The following PPP2R2D variants were observed in gnomAD, a reference collection of about 807,000 sequenced individuals.
The protein encoded by PPP2R2D is serine/threonine-protein phosphatase 2A 55 kDa regulatory subunit B delta isoform.
A neutral mutation model predicts 31.1 loss-of-function variants in PPP2R2D; 9 were observed. The observed-to-expected ratio is 0.29, with a 90% confidence interval of 0.17 to 0.51. The LOEUF is 0.51. Among genes scored for constraint, PPP2R2D ranks in the 20% least tolerant of loss-of-function variants. PPP2R2D has a pLI of 0.98. For synonymous variants in PPP2R2D, 179 were observed against 172.6 expected, an observed-to-expected ratio of 1.04 and a Z score of -0.29; for missense variants, 391 against 465.6, an observed-to-expected ratio of 0.84 and a Z score of 1.48.
rs1369669373 is a variant in PPP2R2D at position 131,945,734 on chromosome 10, A to AGTCACCGCACC, written c.820+276_820+286dup. 4 of 381,216 alleles carry AGTCACCGCACC rather than the reference A, an allele frequency of 1.0e-5. No individual in the cohort carries two copies. In the Admixed American group the frequency reaches 1.3e-4, roughly 12 times the overall value. The allele number at this position is 381,216 out of a possible 1,614,324, so 23.6% of individuals were successfully genotyped here. ...CCAAAGTGCTGGGATTACAGGTGTG[A>AGTCACCGCACC]GTCACCGCACCTGGTCACGCCTGGC... On this transcript the variant is annotated intron_variant, in intron 7 of 8. Coordinates refer to ENST00000455566, the MANE Select transcript of PPP2R2D (RefSeq NM_018461.5). The surrounding 1 kb of genome is among the most constrained non-coding windows in gnomAD (Gnocchi z 4.8).
chr10:131,969,122 G>GCTGGC, the PPP2R2D span: 1 of 154,730 alleles, frequency 6.5e-6, no homozygotes, highest in Non-Finnish European at 1.4e-5. Flanking sequence ...CGGAAGCCTG[G>GCTGGC]CTGGCCTGGC....
intron 2 of PPP2R2D, among the ~76,000 whole-genome samples, chr10:131,913,513 A>G (rs2035718293): frequency 1.3e-5 from 2 of 152,114 alleles, no homozygotes. Flanking sequence ...ATGAAGAAAA[A>G]GGGCTGAGAT....
chr10:131,929,957 C>T (rs1169292948), intron 2 of PPP2R2D, among the ~76,000 whole-genome samples: 2 of 152,136 alleles, frequency 1.3e-5, no homozygotes, highest in East Asian at 1.9e-4. Context: ...TCCGTGGTTT[C>T]GAACCGTCAG....
chr10:131,971,190 A>G, the PPP2R2D span: 1 of 563,048 alleles, frequency 1.8e-6, no homozygotes, highest in Non-Finnish European at 3.2e-6. Flanking sequence ...CTCCAGGGAC[A>G]GATCACCTCT....
intron 3 of PPP2R2D, among the ~76,000 whole-genome samples, chr10:131,936,305 C>T (rs1193927152): frequency 3.4e-5 from 5 of 144,990 alleles, no homozygotes; most frequent in East Asian, 4.1e-4. Context: ...TGCACCACCA[C>T]GACCAGCTAA....
chr10:131,946,687 G>A (rs1554898029), intron 7 of PPP2R2D, among the ~76,000 whole-genome samples: 2 of 152,088 alleles, frequency 1.3e-5, no homozygotes, highest in Non-Finnish European at 2.9e-5. Flanking sequence ...CGTCGGCACA[G>A]CTGGCTTCAA....
chr10:131,947,476 AT>A lies in PPP2R2D; in HGVS notation c.821-51del, dbSNP rs2036563227. 1 of 1,568,046 alleles carries A rather than the reference AT, an allele frequency of 6.4e-7. No individual in the cohort carries two copies. The highest frequency in any genetic ancestry group is 1.3e-5 in the African/African-American group (1 of 74,130). ...CACTTCCTACTTGAACTTGAAAATG[AT>A]TTGTTCTCTGATTTTTAAACAGAAG... is the stretch of plus-strand genomic sequence containing the variant. On this transcript the variant is annotated intron_variant, in intron 7 of 8. Coordinates refer to ENST00000455566, the MANE Select transcript of PPP2R2D (RefSeq NM_018461.5). This position sits in a 1 kb window ranked among gnomAD's most constrained non-coding sequence, Gnocchi z 4.3.
intron 2 of PPP2R2D, among the ~76,000 whole-genome samples, chr10:131,922,077 A>G (rs574649358): frequency 6.6e-6 from 1 of 152,304 alleles, no homozygotes; most frequent in East Asian, 1.9e-4. Flanking sequence ...ATAGACTTCA[A>G]CGGCAGTGGT....
intron 2 of PPP2R2D, among the ~76,000 whole-genome samples, chr10:131,926,729 T>G (rs899430572): frequency 3.9e-5 from 6 of 152,238 alleles, no homozygotes; most frequent in Non-Finnish European, 8.8e-5. Flanking sequence ...TGGCTGGATG[T>G]GTTTTTTGAC....
intron 2 of PPP2R2D, among the ~76,000 whole-genome samples, chr10:131,904,737 C>A (rs1285475117): frequency 6.6e-6 from 1 of 152,112 alleles, no homozygotes; most frequent in Non-Finnish European, 1.5e-5. Flanking sequence ...GGAGAAGGAG[C>A]CTTAGAGATT....
At chr10:131,960,332 C>T (rs1347735420), downstream of PPP2R2D, among the ~76,000 whole-genome samples, 1 of 152,136 alleles carries the variant, frequency 6.6e-6, no homozygotes, top group African/African-American at 2.4e-5. Context: ...GATTCTGGGC[C>T]CGTGGTTCAG....
chr10:131,948,396 A>G (rs950635413), intron 8 of PPP2R2D, among the ~76,000 whole-genome samples: 9 of 152,288 alleles, frequency 5.9e-5, no homozygotes, highest in African/African-American at 2.2e-4. Context: ...ATTGTCTTGC[A>G]CCATTTTTAT....
Position 131,956,141 on chromosome 10 carries a change from G to T in PPP2R2D, c.*178G>T, listed in dbSNP as rs2036792411. ...CCCGGTGTGGTTCCGCCTCGGCGAGGCGCGAGACAGGCGCTGCTGCTCACG... is the reference window on the plus strand; with the variant it reads ...CCCGGTGTGGTTCCGCCTCGGCGAGTCGCGAGACAGGCGCTGCTGCTCACG... On this transcript the variant is annotated 3_prime_UTR_variant, in exon 9 of 9. Coordinates refer to ENST00000455566, the MANE Select transcript of PPP2R2D (RefSeq NM_018461.5). 1 of 1,245,594 alleles carries T rather than the reference G, an allele frequency of 8.0e-7. No individual in the cohort carries two copies. Among genetic ancestry groups the T allele is most frequent in the African/African-American group, 1.5e-5 (1 of 64,786 alleles). The allele number at this position is 1,245,594 out of a possible 1,614,324, so 77.2% of individuals were successfully genotyped here.
At chr10:131,961,896 T>C (rs1329379027), downstream of PPP2R2D, among the ~76,000 whole-genome samples, 2 of 152,108 alleles carry the variant, frequency 1.3e-5, no homozygotes, top group Admixed American at 6.5e-5. Flanking sequence ...CATCTGTCCC[T>C]AATTTCATGC....
intron 8 of PPP2R2D, among the ~76,000 whole-genome samples, chr10:131,950,769 G>A (rs2036622715): frequency 6.6e-6 from 1 of 152,060 alleles, no homozygotes; most frequent in Admixed American, 6.5e-5. Flanking sequence ...GTTTGGGGGA[G>A]AAAAATTAGA....
At chr10:131,916,289 C>A (rs1162777290) in intron 2 of PPP2R2D, among the ~76,000 whole-genome samples, 1 of 150,920 alleles carries the variant, frequency 6.6e-6, no homozygotes, top group African/African-American at 2.4e-5. Context: ...TTCACTTGAC[C>A]TACAGAGAGA....
At chr10:131,916,552 G>A (rs937706712) in intron 2 of PPP2R2D, among the ~76,000 whole-genome samples, 23 of 151,978 alleles carry the variant, frequency 1.5e-4, no homozygotes, top group African/African-American at 5.3e-4. Context: ...CCCCTTCCCC[G>A]GCCCCTGGCG....
Position 131,940,014 on chromosome 10 carries a change from C to T in PPP2R2D, c.199-17C>T, listed in dbSNP as rs782059063. ...CTGTGCTTTGTTCATTAAAACAGCT[C>T]TCATGTTTCCTTGCAGAATAAAAGC... On this transcript the variant is annotated splice_polypyrimidine_tract_variant and intron_variant, in intron 3 of 8. Transcript: ENST00000455566. The T allele has an allele frequency of 2.9e-6, 2 of 690,090 alleles. No individual in the cohort carries two copies. Among genetic ancestry groups the T allele is most frequent in the Non-Finnish European group, 5.4e-6 (2 of 373,816 alleles). 42.7% of individuals were successfully genotyped at this position (690,090 alleles called of 1,614,324 possible).
At chr10:131,961,862 A>G (rs1458973032), downstream of PPP2R2D, among the ~76,000 whole-genome samples, 2 of 151,428 alleles carry the variant, frequency 1.3e-5, no homozygotes, top group African/African-American at 2.4e-5. Flanking sequence ...TTAAGGACTG[A>G]CAGTCTCCCA....
Sources: gnomAD v4.1 joint callset for allele counts (sites outside exome capture counted in the v4.1 genomes callset) on GRCh38, gnomAD v4.1.1 for gene constraint, Gnocchi (gnomAD v3.1) non-coding constraint, MANE v1.5 for transcripts, NCBI Gene and HGNC (gene_info 2026-07-23, HGNC 2026-07-21) for gene names.